Variants in BBX observed in about 807,000 individuals in gnomAD.
The protein encoded by BBX is BBX high mobility group box domain containing, also known as HMG box transcription factor BBX.
BBX carries 30 observed loss-of-function variants against 100.2 expected under a neutral mutation model. The observed-to-expected ratio is 0.30, with a 90% confidence interval of 0.22 to 0.41. BBX has a LOEUF of 0.41. Among genes scored for constraint, BBX ranks in the 10% least tolerant of loss-of-function variants. BBX has a pLI of 1.00. For missense variants in BBX, 1,023 were observed against 1,129.8 expected (o/e 0.91, Z 1.35); for synonymous variants, 376 against 388.1 (o/e 0.97, Z 0.37).
intron 3 of BBX, among the ~76,000 whole-genome samples, chr3:107,677,943 C>G (rs2059371184): frequency 6.6e-6 from 1 of 151,942 alleles, no homozygotes; most frequent in African/African-American, 2.4e-5. Flanking sequence ...TAAAGAAAAG[C>G]TAGAAAATAG....
At chr3:107,776,791 G>A (rs2067354864) in intron 12 of BBX, among the ~76,000 whole-genome samples, 1 of 151,870 alleles carries the variant, frequency 6.6e-6, no homozygotes, top group African/African-American at 2.4e-5. Context: ...TTTTCTTTTG[G>A]GTATTCAGAG....
chr3:107,728,444 C>T (rs2063106513), intron 5 of BBX, among the ~76,000 whole-genome samples: 1 of 152,124 alleles, frequency 6.6e-6, no homozygotes, highest in South Asian at 2.1e-4. Flanking sequence ...TCTCCAGAGC[C>T]CTAGGCTCAT....
intron 3 of BBX, among the ~76,000 whole-genome samples, chr3:107,669,668 AG>A (rs1479307334): frequency 1.3e-5 from 2 of 152,148 alleles, no homozygotes; most frequent in Non-Finnish European, 2.9e-5. Flanking sequence ...GTGGTGCCAA[AG>A]GGTTTGAAGA....
chr3:107,561,965 T>C (rs569297129), intron 2 of BBX, among the ~76,000 whole-genome samples: 8 of 152,254 alleles, frequency 5.3e-5, no homozygotes, highest in Non-Finnish European at 1.0e-4. Flanking sequence ...ACTGATGTTC[T>C]TTATTGCATT....
chr3:107,645,430 T>TTATC (rs1228614955), intron 2 of BBX, among the ~76,000 whole-genome samples: 17 of 152,214 alleles, frequency 1.1e-4, no homozygotes, highest in African/African-American at 3.6e-4. Context: ...GAATCACAGT[T>TTATC]TATCTAGTTG....
intron 2 of BBX, among the ~76,000 whole-genome samples, chr3:107,638,227 T>C (rs1176865624): frequency 6.6e-6 from 1 of 151,744 alleles, no homozygotes; most frequent in South Asian, 2.1e-4. Context: ...AATTTTTAAA[T>C]ATTTTGTACA....
At chr3:107,537,380 A>G (rs1286495026) in intron 2 of BBX, among the ~76,000 whole-genome samples, 1 of 152,216 alleles carries the variant, frequency 6.6e-6, no homozygotes, top group African/African-American at 2.4e-5. Context: ...GGGTCCAAAC[A>G]TATGCCAATA....
chr3:107,544,710 G>T (rs2049090389), intron 2 of BBX, among the ~76,000 whole-genome samples: 1 of 151,198 alleles, frequency 6.6e-6, no homozygotes. Flanking sequence ...ATCTCTATAA[G>T]AAATAAAAAA....
intron 16 of BBX, among the ~76,000 whole-genome samples, chr3:107,799,060 G>A (rs774057072): frequency 2.6e-5 from 4 of 151,538 alleles, no homozygotes; most frequent in Non-Finnish European, 4.4e-5. Context: ...TGAGGCAGGA[G>A]AATGGCGTGA....
chr3:107,695,535 G>C (rs1482180021), intron 3 of BBX, among the ~76,000 whole-genome samples: 4 of 147,766 alleles, frequency 2.7e-5, no homozygotes, highest in African/African-American at 7.7e-5. Context: ...CTGAATTCTA[G>C]TTTGATTGCA....
chr3:107,776,371 G>C (rs1347820921), intron 12 of BBX: 2 of 152,088 alleles, frequency 1.3e-5, no homozygotes. Context: ...GTATGTGTTT[G>C]TTTTTTTAAT....
intron 2 of BBX, among the ~76,000 whole-genome samples, chr3:107,538,850 T>A (rs1377880955): frequency 2.0e-5 from 3 of 152,032 alleles, no homozygotes; most frequent in Admixed American, 2.0e-4. Flanking sequence ...AGTGGTGTAA[T>A]CATAGCCCAG....
chr3:107,601,191 G>T (rs2054042086), intron 2 of BBX, among the ~76,000 whole-genome samples: 1 of 152,078 alleles, frequency 6.6e-6, no homozygotes, highest in Non-Finnish European at 1.5e-5. Context: ...CCACCCACTG[G>T]CCGTTCCCAT....
chr3:107,639,313 A>C (rs1378081327), intron 2 of BBX, among the ~76,000 whole-genome samples: 2 of 152,194 alleles, frequency 1.3e-5, no homozygotes, highest in Non-Finnish European at 2.9e-5. Flanking sequence ...TTTCATTTGC[A>C]GAACCCCTTC....
intron 9 of BBX, among the ~76,000 whole-genome samples, chr3:107,753,407 A>T (rs572711670): frequency 6.7e-6 from 1 of 150,034 alleles, no homozygotes; most frequent in Non-Finnish European, 1.5e-5. Context: ...CCCCCCACAC[A>T]TGCCCTTTTG....
intron 2 of BBX, among the ~76,000 whole-genome samples, chr3:107,536,908 A>G (rs1040439972): frequency 1.3e-5 from 2 of 152,208 alleles, no homozygotes; most frequent in African/African-American, 4.8e-5. Context: ...TAGATATGGT[A>G]TGAAATAGTG....
At chr3:107,685,542 C>T (rs1389892054) in intron 3 of BBX, among the ~76,000 whole-genome samples, 2 of 152,206 alleles carry the variant, frequency 1.3e-5, no homozygotes, top group Non-Finnish European at 2.9e-5. Flanking sequence ...CATCAGCTCT[C>T]GCCAGTGATG....
intron 15 of BBX, among the ~76,000 whole-genome samples, chr3:107,797,138 G>A (rs2069760618): frequency 6.6e-6 from 1 of 151,604 alleles, no homozygotes; most frequent in African/African-American, 2.4e-5. Flanking sequence ...TTAAAGACAA[G>A]GTGCCATGAT....
intron 8 of BBX, among the ~76,000 whole-genome samples, chr3:107,746,388 A>C (rs892077301): frequency 6.6e-6 from 1 of 152,194 alleles, no homozygotes; most frequent in Non-Finnish European, 1.5e-5. Context: ...TTTGACCAAG[A>C]AAAGTTCTAA....
Sources: allele counts gnomAD v4.1 joint callset (sites outside exome capture counted in the v4.1 genomes callset), GRCh38; gene constraint gnomAD v4.1.1; transcripts MANE v1.5; gene names NCBI Gene and HGNC (gene_info 2026-07-23, HGNC 2026-07-21).